The following SFI1 variants were observed in gnomAD, a reference collection of about 807,000 sequenced individuals.
The protein encoded by SFI1 is SFI1 centrin binding protein.
SFI1 carries 195 observed loss-of-function variants against 207.5 expected under a neutral mutation model. That is an observed-to-expected ratio of 0.94 (90% CI 0.84 to 1.06). The LOEUF (loss-of-function observed/expected upper bound fraction) is 1.06. Among genes scored for constraint, SFI1 ranks in the 50% least tolerant of loss-of-function variants. The pLI, the probability that SFI1 is intolerant of heterozygous loss-of-function variation, is 0.00. For synonymous variants in SFI1, 630 were observed against 598.9 expected, an observed-to-expected ratio of 1.05 and a Z score of -0.76; for missense variants, 1,634 against 1,588.0, an observed-to-expected ratio of 1.03 and a Z score of -0.49.
In SFI1 at chr22:31,546,854, GCCGTAGATTTTACT is replaced by G. The variant is rs1569273094; in HGVS notation, c.339-6_346del. 1 of 1,496,906 alleles carries G rather than the reference GCCGTAGATTTTACT, an allele frequency of 6.7e-7. No individual in the cohort carries two copies. Among genetic ancestry groups the G allele is most frequent in the Admixed American group, 2.0e-5 (1 of 50,786 alleles). The allele number at this position is 1,496,906 out of a possible 1,614,324, so 92.7% of individuals were successfully genotyped here. A position where few individuals can be genotyped will look rare whatever the true frequency, so the allele number is the denominator to read the frequency against. The stretch of plus-strand genomic sequence containing the variant: ...CATATATATATATGATTTTTTTTTT[GCCGTAGATTTTACT>G]ATGAGCAGCGATTACTACGGAAGGT... On this transcript the variant is annotated splice_acceptor_variant and splice_polypyrimidine_tract_variant and coding_sequence_variant and intron_variant, in exon 5 of 33. Coordinates refer to ENST00000400288, the MANE Select transcript of SFI1 (RefSeq NM_001007467.3). LOFTEE classifies it high-confidence loss of function.
At chr22:31,502,374 CA>C (rs2053934303) in intron 1 of SFI1, among the ~76,000 whole-genome samples, 1 of 150,692 alleles carries the variant, frequency 6.6e-6, no homozygotes, top group Non-Finnish European at 1.5e-5. Context: ...TATTCAGGTT[CA>C]ATTTTTTTTT....
Position 31,604,312 on chromosome 22 carries a change from C to G in SFI1, c.1885C>G (p.Leu629Val), listed in dbSNP as rs1255206285. The G allele has an allele frequency of 1.3e-6, 2 of 1,573,082 alleles. No individual in the cohort carries two copies. The highest frequency in any genetic ancestry group is 4.6e-5 in the East Asian group (2 of 43,164). The change falls in exon 19 of 33, where the codon CTG becomes GTG. Residue 629 changes from leucine (L) to valine (V), a missense_variant. By Grantham distance (32) the Leu-to-Val change is conservative (BLOSUM62 1). Coordinates refer to ENST00000400288, the MANE Select transcript of SFI1 (RefSeq NM_001007467.3). Reference protein sequence around the residue: ...RWAWSQWRECLALRGAERQKL... With the variant: ...RWAWSQWRECVALRGAERQKL... ...CTGCTTTCTCCTCTGTCTGCAGTGCCTGGCCCTGCGGGGAGCGGAGCGGCA... is the reference window on the plus strand; with the variant it reads ...CTGCTTTCTCCTCTGTCTGCAGTGCGTGGCCCTGCGGGGAGCGGAGCGGCA...
intron 8 of SFI1, 92 bp from the exon 9 acceptor site, chr22:31,572,966 A>G (rs1569345797): frequency 3.8e-6 from 5 of 1,318,970 alleles, no homozygotes; most frequent in Admixed American, 2.1e-5. Flanking sequence ...CAGCCTTTCC[A>G]GCGTGTGTGC....
intron 2 of SFI1, among the ~76,000 whole-genome samples, chr22:31,524,463 C>T (rs2057662849): frequency 1.3e-5 from 2 of 151,814 alleles, no homozygotes; most frequent in Non-Finnish European, 2.9e-5. Context: ...CACTCTGTCA[C>T]CCAGGCTGGA....
Position 31,565,065 on chromosome 22 carries a change from C to T in SFI1, c.765+3673C>T, listed in dbSNP as rs567006376. 6.6e-5 allele frequency among the ~76,000 whole-genome samples: 10 copies of T among 151,146 alleles called. No individual in the cohort carries two copies. The East Asian group carries it at 1.4e-3, about 21-fold the overall frequency. ...GTCTCGATCTCCTGACCTCGTGATC[C>T]GCCTGCCTTGGCTTCCCAAAGTGCT... On this transcript the variant is annotated intron_variant, in intron 8 of 32. Transcript: ENST00000400288.
chr22:31,600,589 T>C (rs2146944319), intron 15 of SFI1, among the ~76,000 whole-genome samples: 1 of 152,214 alleles, frequency 6.6e-6, no homozygotes. Context: ...TGTTCAGCTG[T>C]CTCCTTTCTA....
At position 31,531,038 on chromosome 22, in the gene SFI1, G is replaced by C; in HGVS notation, c.267-20G>C. On this transcript the variant is annotated intron_variant, in intron 3 of 32. Transcript: ENST00000400288. The stretch of plus-strand genomic sequence containing the variant: ...AAATGGAATTTTAAAATATGTATAT[G>C]CTTTTTTTCCTTCTTTCAGATGCGT... 6.2e-7 allele frequency: 1 copy of C among 1,601,920 alleles called. No homozygotes were observed. The highest frequency in any genetic ancestry group is 8.5e-7 in the Non-Finnish European group (1 of 1,174,360).
At chr22:31,561,707 T>C (rs1311187155) in intron 8 of SFI1, among the ~76,000 whole-genome samples, 5 of 152,220 alleles carry the variant, frequency 3.3e-5, no homozygotes, top group African/African-American at 1.2e-4. Flanking sequence ...GCTGTTTTCC[T>C]ACAGCAAATC....
chr22:31,573,653 G>A (rs1280020138), intron 9 of SFI1, among the ~76,000 whole-genome samples: 6 of 152,112 alleles, frequency 3.9e-5, no homozygotes, highest in African/African-American at 1.4e-4. Flanking sequence ...GGCCAGGCTA[G>A]TCTCAAACTC....
chr22:31,611,259 C>A lies in SFI1; in HGVS notation c.2371C>A (p.Leu791Met). 2 of 1,612,696 alleles carry A rather than the reference C, an allele frequency of 1.2e-6. No individual in the cohort carries two copies. Among genetic ancestry groups the A allele is most frequent in the Non-Finnish European group, 1.7e-6 (2 of 1,179,314 alleles). The change falls in exon 23 of 33, where the codon CTG becomes ATG. Residue 791 changes from leucine (L) to methionine (M), a missense_variant. Transcript: ENST00000400288. ...CCACCGGCAGCTGCTGCTGGAGGGG[C>A]TGGCCCGGTGGAAGACGCACCATCT... ...HHHRQLLLEG[L>M]ARWKTHHLQC...
Position 31,580,269 on chromosome 22 carries a change from C to T in SFI1, c.1156-3C>T, listed in dbSNP as rs774667560. The T allele has an allele frequency of 6.2e-7, 1 of 1,611,950 alleles. No individual in the cohort carries two copies. On this transcript the variant is annotated splice_region_variant and splice_polypyrimidine_tract_variant and intron_variant, in intron 11 of 32. Transcript: ENST00000400288. Reference sequence around the variant, plus strand: ...TAATCAGTTGTGTCCTTTCTTTGCACAGTATTTTTGCTTTAGAGCCCTAAA... The same window carrying T: ...TAATCAGTTGTGTCCTTTCTTTGCATAGTATTTTTGCTTTAGAGCCCTAAA...
chr22:31,525,620 G>T (rs1000511711), intron 2 of SFI1, among the ~76,000 whole-genome samples: 1 of 152,156 alleles, frequency 6.6e-6, no homozygotes, highest in African/African-American at 2.4e-5. Flanking sequence ...AGGAGGCTGA[G>T]GTGGGAAGAT....
chr22:31,608,858 T>C (rs949922215), intron 22 of SFI1, among the ~76,000 whole-genome samples: 4 of 152,032 alleles, frequency 2.6e-5, no homozygotes, highest in Admixed American at 6.5e-5. Flanking sequence ...TTTGGAAAGA[T>C]TGCAGGGCAC....
chr22:31,613,074 G>C, intron 24 of SFI1, 68 bp from the exon 25 acceptor site: 2 of 1,540,014 alleles, frequency 1.3e-6, no homozygotes, highest in Non-Finnish European at 1.8e-6. Flanking sequence ...GAGCTGGGCA[G>C]GGCCCCGTGA....
intron 13 of SFI1, among the ~76,000 whole-genome samples, chr22:31,584,315 C>G (rs2064739370): frequency 6.6e-6 from 1 of 152,150 alleles, no homozygotes; most frequent in Non-Finnish European, 1.5e-5. Flanking sequence ...GTGACTCAGT[C>G]TTAAAGTGTG....
intron 12 of SFI1, among the ~76,000 whole-genome samples, chr22:31,582,782 G>A (rs2064506653): frequency 6.6e-6 from 1 of 152,050 alleles, no homozygotes; most frequent in South Asian, 2.1e-4. Flanking sequence ...GATTATTCTA[G>A]AGACCTCATA....
In SFI1 at chr22:31,607,965, C is replaced by T. The variant is rs1738331385; in HGVS notation, c.2186C>T (p.Ser729Leu). ...KVLVQWREAVSVQMYYRQQED... is the reference protein window; with the variant it reads ...KVLVQWREAVLVQMYYRQQED... ...CTGGTCCAGTGGCGGGAAGCTGTGT[C>T]AGTGCAGATGTATTACCGACAGCAG... The change falls in exon 22 of 33, where the codon TCA becomes TTA. Residue 729 changes from serine to leucine, a missense_variant. Transcript: ENST00000400288. The T allele has an allele frequency of 6.2e-7, 1 of 1,613,662 alleles. No individual in the cohort carries two copies. The highest frequency in any genetic ancestry group is 8.5e-7 in the Non-Finnish European group (1 of 1,179,848).
rs568134289 is a variant in SFI1 at position 31,541,781 on chromosome 22, G to C, written c.339-5080G>C. 1.6e-4 allele frequency among the ~76,000 whole-genome samples: 23 copies of C among 145,098 alleles called. 1 individual carries two copies. The highest frequency in any genetic ancestry group is 5.6e-4 in the African/African-American group (22 of 39,422). ...AAAAAAAAGAATTGTGAATAAATCT[G>C]TTCAACAGTCTTTCAAATATTATAG... is the stretch of plus-strand genomic sequence containing the variant. On this transcript the variant is annotated intron_variant, in intron 4 of 32. Transcript: ENST00000400288.
chr22:31,521,438 C>A, intron 2 of SFI1: 1 of 161,412 alleles, frequency 6.2e-6, no homozygotes, highest in South Asian at 1.7e-4. Flanking sequence ...CAGTGGCAGT[C>A]ACGCCCCTAC....
Sources: gnomAD v4.1 joint callset for allele counts (sites outside exome capture counted in the v4.1 genomes callset) on GRCh38, gnomAD v4.1.1 for gene constraint, MANE v1.5 for transcripts, NCBI Gene and HGNC (gene_info 2026-07-23, HGNC 2026-07-21) for gene names.